Variants in RAD21L1 observed in about 807,000 individuals in gnomAD.
RAD21L1 encodes double-strand-break repair protein rad21-like protein 1.
RAD21L1 carries 47 observed loss-of-function variants against 69.0 expected under a neutral mutation model. The ratio of observed to expected loss-of-function variants is 0.68; its 90% CI spans 0.54 to 0.87. RAD21L1 has a LOEUF of 0.87. RAD21L1 is among the 40% of genes least tolerant of loss of function. The pLI is 0.00. For missense variants in RAD21L1, 583 were observed against 647.6 expected, an observed-to-expected ratio of 0.90 and a Z score of 1.08; for synonymous variants, 177 against 205.8, an observed-to-expected ratio of 0.86 and a Z score of 1.20.
Position 1,231,606 on chromosome 20 carries a change from A to C in RAD21L1, c.355A>C (p.Thr119Pro). 6.9e-7 allele frequency: 1 copy of C among 1,443,930 alleles called. No individual in the cohort carries two copies. The highest frequency in any genetic ancestry group is 9.5e-7 in the Non-Finnish European group (1 of 1,054,362). 89.4% of individuals were successfully genotyped at this position (1,443,930 alleles called of 1,614,324 possible). Residue 119 changes from threonine (T) to proline (P), a missense_variant, in exon 4 of 14, where the codon ACC becomes CCC. Coordinates refer to ENST00000683101, the MANE Select transcript of RAD21L1 (RefSeq NM_001384355.1). ...TLPEEFHDFD[T>P]QNMNAIDVSE... ...GCCAGAAGAATTTCATGATTTTGAC[A>C]CCCAAAATATGAAGTAAAATATTTT...
At chr20:1,239,285 G>T in intron 6 of RAD21L1, 27 bp from the exon 7 acceptor site, 1 of 1,277,558 alleles carries the variant, frequency 7.8e-7, no homozygotes, top group South Asian at 1.3e-5. Flanking sequence ...CAGTCTGTAT[G>T]AAAAAATATT....
At chr20:1,234,474 T>C (rs2087455641) in intron 5 of RAD21L1, among the ~76,000 whole-genome samples, 1 of 152,218 alleles carries the variant, frequency 6.6e-6, no homozygotes, top group African/African-American at 2.4e-5. Flanking sequence ...AAGCAGTTCC[T>C]GCCCTCAAGG....
In RAD21L1 at chr20:1,238,147, A is replaced by T; in HGVS notation, c.579A>T (p.Gly193=). 6.5e-7 allele frequency: 1 copy of T among 1,545,726 alleles called. No individual in the cohort carries two copies. Among genetic ancestry groups the T allele is most frequent in the Non-Finnish European group, 8.7e-7 (1 of 1,143,120 alleles). The stretch of plus-strand genomic sequence containing the variant: ...AACATAGTTCTGGAAGCCTCACTGG[A>T]GAACGATCTCTATTCTATGACAGTG... ...LIEHSSGSLT[G]ERSLFYDSGD... Residue 193 remains glycine (G), a synonymous_variant, in exon 6 of 14, where the codon GGA becomes GGT. Transcript: ENST00000683101.
rs1464842896 is a variant in RAD21L1 at position 1,246,238 on chromosome 20, C to T, written c.1334C>T (p.Ala445Val). The T allele has an allele frequency of 3.2e-6, 5 of 1,540,194 alleles. No individual in the cohort carries two copies. The highest frequency in any genetic ancestry group is 1.2e-5 in the South Asian group (1 of 81,630). The change falls in exon 12 of 14, where the codon GCT becomes GTT. Residue 445 changes from alanine to valine, a missense_variant. Physicochemically the swap from Ala to Val is moderately conservative, Grantham distance 64 (BLOSUM62 0). Coordinates refer to ENST00000683101, the MANE Select transcript of RAD21L1 (RefSeq NM_001384355.1). The surrounding 1 kb of genome is among the most constrained non-coding windows in gnomAD (Gnocchi z 4.6). ...GATATTGTTGAAATGGTGTCTTTAG[C>T]TGCTGAGGAATCATCTTTAATGAAT... ...SEDIVEMVSLAAEESSLMNDL... is the reference protein window; with the variant it reads ...SEDIVEMVSLVAEESSLMNDL...
intron 13 of RAD21L1, among the ~76,000 whole-genome samples, chr20:1,253,755 G>A (rs934242817): frequency 3.3e-5 from 5 of 152,156 alleles, no homozygotes; most frequent in Non-Finnish European, 5.9e-5. Context: ...TGGTGAATCC[G>A]ACATCTTTTT....
At chr20:1,236,458 T>G (rs80031596) in intron 5 of RAD21L1, among the ~76,000 whole-genome samples, 7,716 of 152,302 alleles carry the variant, frequency 0.051, 246 homozygotes, top group South Asian at 0.095. Context: ...TTTGCTCTAG[T>G]CAAGCAAATG....
At chr20:1,235,629 A>C (rs1347438104) in intron 5 of RAD21L1, among the ~76,000 whole-genome samples, 5 of 152,114 alleles carry the variant, frequency 3.3e-5, no homozygotes, top group African/African-American at 1.2e-4. Flanking sequence ...ATTATACTTT[A>C]AGTAGCACTG....
chr20:1,236,017 C>A (rs375407325), intron 5 of RAD21L1, among the ~76,000 whole-genome samples: 8 of 152,320 alleles, frequency 5.3e-5, no homozygotes, highest in African/African-American at 1.9e-4. Context: ...ATCCACCCAC[C>A]TCAGCCTCCC....
Position 1,229,832 on chromosome 20 carries a change from T to C in RAD21L1, c.145-48T>C, listed in dbSNP as rs572609202. 2.9e-6 allele frequency: 4 copies of C among 1,386,344 alleles called. No individual in the cohort carries two copies. The African/African-American group carries it at 5.7e-5, about 20-fold the overall frequency. 85.9% of individuals were successfully genotyped at this position (1,386,344 alleles called of 1,614,324 possible). A position where few individuals can be genotyped will look rare whatever the true frequency, so the allele number is the denominator to read the frequency against. ...GTCAGTAACTTTCAAAGAATAGGAT[T>C]TATGAACCTAATCTTTACTCTTCTA... On this transcript the variant is annotated intron_variant, in intron 2 of 13. Transcript: ENST00000683101.
At chr20:1,250,774 A>G (rs16992790) in intron 13 of RAD21L1, among the ~76,000 whole-genome samples, 10,215 of 152,228 alleles carry the variant, frequency 0.067, 472 homozygotes, top group East Asian at 0.17. Context: ...AACTCAGACA[A>G]TATGACCAAA....
chr20:1,254,226 T>C (rs2122184193), intron 13 of RAD21L1, 43 bp from the exon 14 acceptor site: 2 of 1,346,904 alleles, frequency 1.5e-6, no homozygotes, highest in Non-Finnish European at 1.0e-6. Flanking sequence ...CTTCTAATGA[T>C]CTTGTTTCCC....
At chr20:1,243,286 A>G (rs2087654876) in intron 10 of RAD21L1, 90 bp downstream of exon 10, 1 of 619,190 alleles carries the variant, frequency 1.6e-6, no homozygotes. Flanking sequence ...GTGGGATCCA[A>G]TTCCATATTC....
intron 4 of RAD21L1, among the ~76,000 whole-genome samples, chr20:1,232,727 T>C (rs1337356180): frequency 1.3e-5 from 2 of 152,206 alleles, no homozygotes; most frequent in South Asian, 2.1e-4. Flanking sequence ...ACATCTGTTA[T>C]GGTCTAAATG....
At chr20:1,231,449 G>A in intron 3 of RAD21L1, 77 bp from the exon 4 acceptor site, 1 of 740,622 alleles carries the variant, frequency 1.4e-6, no homozygotes. Context: ...TCCAGTAAAA[G>A]AATATAGAGT....
At chr20:1,248,774 T>A in intron 13 of RAD21L1, 71 bp downstream of exon 13, 1 of 867,858 alleles carries the variant, frequency 1.2e-6, no homozygotes, top group Non-Finnish European at 1.7e-6. Flanking sequence ...CAAGCTTCCA[T>A]ATATTAATGA....
intron 4 of RAD21L1, among the ~76,000 whole-genome samples, chr20:1,232,846 G>C (rs1021089168): frequency 6.6e-5 from 10 of 152,154 alleles, no homozygotes; most frequent in Admixed American, 4.6e-4. Flanking sequence ...AACAACAAAA[G>C]AGTTGGAAGT....
Position 1,245,942 on chromosome 20 carries a change from CA to C in RAD21L1, c.1309-270del, listed in dbSNP as rs1196181313. Among the ~76,000 whole-genome samples, 5 of 151,774 alleles carry C rather than the reference CA, an allele frequency of 3.3e-5. No individual in the cohort carries two copies. The East Asian group carries it at 5.8e-4, about 18-fold the overall frequency. ...GTAGAGACTTTTAATGTGAGGTCTG[CA>C]GTAGAGAGGGAAATAGGAAAAGGAT... is the stretch of plus-strand genomic sequence containing the variant. On this transcript the variant is annotated intron_variant, in intron 11 of 13. Transcript: ENST00000683101.
Position 1,246,903 on chromosome 20 carries a change from G to C in RAD21L1, c.1401+598G>C, listed in dbSNP as rs2122139364. Among the ~76,000 whole-genome samples the C allele has an allele frequency of 6.6e-6, 1 of 152,226 alleles. No homozygotes were observed. Among genetic ancestry groups the C allele is most frequent in the South Asian group, 2.1e-4 (1 of 4,826 alleles). Reference sequence around the variant, plus strand: ...GCATACTGAAAACATTTTTAAGATTGTAAGGAATTTTAGTAAAAGTTTTTT... The same window carrying C: ...GCATACTGAAAACATTTTTAAGATTCTAAGGAATTTTAGTAAAAGTTTTTT... On this transcript the variant is annotated intron_variant, in intron 12 of 13. Coordinates refer to ENST00000683101, the MANE Select transcript of RAD21L1 (RefSeq NM_001384355.1). The surrounding 1 kb of genome is among the most constrained non-coding windows in gnomAD (Gnocchi z 4.6).
rs1440460949 is a variant in RAD21L1, at chr20:1,228,498, CAAAATATGGCTTGCAGCTCACTGGG to C, written c.47_71del (p.Lys16ArgfsTer14). ...TTATGAGTAAACGAGGGCCATTGGC[CAAAATATGGCTTGCAGCTCACTGGG>C]AGAAGAAACTCACAAAGGCCCATGT... is the stretch of plus-strand genomic sequence containing the variant. On this transcript the variant is annotated frameshift_variant, in exon 2 of 14. Coordinates refer to ENST00000683101, the MANE Select transcript of RAD21L1 (RefSeq NM_001384355.1). LOFTEE classifies it high-confidence loss of function. 6.5e-7 allele frequency: 1 copy of C among 1,549,830 alleles called. No homozygotes were observed. Among genetic ancestry groups the C allele is most frequent in the African/African-American group, 1.4e-5 (1 of 72,916 alleles).
Sources: gnomAD v4.1 joint callset for allele counts (sites outside exome capture counted in the v4.1 genomes callset) on GRCh38, gnomAD v4.1.1 for gene constraint, Gnocchi (gnomAD v3.1) non-coding constraint, MANE v1.5 for transcripts, NCBI Gene and HGNC (gene_info 2026-07-23, HGNC 2026-07-21) for gene names.